The following MYLK variants were observed in gnomAD, a reference collection of about 807,000 sequenced individuals.
The protein encoded by MYLK is myosin light chain kinase, also known as myosin light chain kinase, smooth muscle.
A neutral mutation model predicts 203.4 loss-of-function variants in MYLK; 106 were observed. The ratio of observed to expected loss-of-function variants is 0.52; its 90% CI spans 0.45 to 0.61. The LOEUF is 0.61. MYLK is among the 20% of genes least tolerant of loss of function. The pLI is 0.00. For missense variants in MYLK, 2,072 were observed against 2,442.3 expected (o/e 0.85, Z 3.20); for synonymous variants, 867 against 959.5 (o/e 0.90, Z 1.78).
At position 123,733,975 on chromosome 3, in the gene MYLK, T is replaced by C. The variant is rs1485918605; in HGVS notation, c.1021A>G (p.Thr341Ala). ...TAPQTPVLQK[T>A]SSSITLQAAR... ...GCCTGCAGGGTGATGGAGCTGGAAG[T>C]CTTCTGAAGGACCGGGGTCTGCGGG... Residue 341 changes from threonine to alanine, a missense_variant, in exon 10 of 34, where the codon ACT becomes GCT. By Grantham distance (58) the Thr-to-Ala change is moderately conservative. Around this residue, in one of 3 missense-constraint regions of MYLK, gnomAD observed 683 missense variants for 643.8 expected, o/e 1.06. Coordinates refer to ENST00000360304, the MANE Select transcript of MYLK (RefSeq NM_053025.4). 1 of 1,614,110 alleles carries C rather than the reference T, an allele frequency of 6.2e-7. No homozygotes were observed. The highest frequency in any genetic ancestry group is 1.1e-5 in the South Asian group (1 of 91,062).
chr3:123,733,156 G>A, intron 10 of MYLK, 54 bp from the exon 11 acceptor site: 3 of 1,573,266 alleles, frequency 1.9e-6, no homozygotes. Flanking sequence ...AGCACCCTGT[G>A]ATTGTGAGGT....
chr3:123,693,202 C>T (rs910656997), intron 18 of MYLK, among the ~76,000 whole-genome samples: 1 of 152,194 alleles, frequency 6.6e-6, no homozygotes, highest in African/African-American at 2.4e-5. Flanking sequence ...GGCCCTGCCC[C>T]CTGGACGTCA....
At chr3:123,676,213 G>T (rs2060067926) in intron 20 of MYLK, among the ~76,000 whole-genome samples, 1 of 152,250 alleles carries the variant, frequency 6.6e-6, no homozygotes, top group Non-Finnish European at 1.5e-5. Flanking sequence ...CATGCCTGTG[G>T]GTGGGAGTGT....
intron 2 of MYLK, among the ~76,000 whole-genome samples, chr3:123,861,725 G>C (rs1444040757): frequency 2.0e-5 from 3 of 152,148 alleles, no homozygotes; most frequent in African/African-American, 4.8e-5. Context: ...AGTCTCAACA[G>C]GTACCCCAGC....
intron 20 of MYLK, among the ~76,000 whole-genome samples, chr3:123,668,055 TCAAA>T (rs1276379060): frequency 1.3e-5 from 2 of 152,192 alleles, no homozygotes; most frequent in Non-Finnish European, 2.9e-5. Flanking sequence ...GAAAAATGAC[TCAAA>T]CAGAACAGTC....
chr3:123,841,790 T>A (rs371605483), intron 2 of MYLK, among the ~76,000 whole-genome samples: 1 of 152,104 alleles, frequency 6.6e-6, no homozygotes, highest in African/African-American at 2.4e-5. Context: ...GTTTAGAGAG[T>A]CTGAGAGTGT....
chr3:123,672,497 C>T (rs1022269139), intron 20 of MYLK, among the ~76,000 whole-genome samples: 1 of 151,944 alleles, frequency 6.6e-6, no homozygotes, highest in African/African-American at 2.4e-5. Context: ...GGGGTGGGCA[C>T]CAGTGGGGTG....
At chr3:123,732,728 G>A (rs2062525110) in intron 11 of MYLK, among the ~76,000 whole-genome samples, 168 bp downstream of exon 11, 1 of 152,162 alleles carries the variant, frequency 6.6e-6, no homozygotes, top group African/African-American at 2.4e-5. Flanking sequence ...ATGAATCACT[G>A]GCCTAGAGCA....
At position 123,640,001 on chromosome 3, in the gene MYLK, T is replaced by A. The variant is rs2058775379; in HGVS notation, c.4837+286A>T. Reference sequence around the variant, plus strand: ...ATATATACAGCTAACACCTAAGCAGTCTTACTATGTGCAAAGCACTCTTCC... The same window carrying A: ...ATATATACAGCTAACACCTAAGCAGACTTACTATGTGCAAAGCACTCTTCC... On this transcript the variant is annotated intron_variant, in intron 28 of 33. Transcript: ENST00000360304. This position sits in a 1 kb window ranked among gnomAD's most constrained non-coding sequence, Gnocchi z 4.3. Among the ~76,000 whole-genome samples, 2 of 152,092 alleles carry A rather than the reference T, an allele frequency of 1.3e-5. No individual in the cohort carries two copies. Among genetic ancestry groups the A allele is most frequent in the Non-Finnish European group, 2.9e-5 (2 of 68,010 alleles).
chr3:123,729,379 G>A (rs769090862), intron 11 of MYLK, among the ~76,000 whole-genome samples: 2 of 152,184 alleles, frequency 1.3e-5, no homozygotes, highest in Non-Finnish European at 2.9e-5. Context: ...TACAGAATGG[G>A]AGAGGATTAT....
intron 3 of MYLK, among the ~76,000 whole-genome samples, chr3:123,828,439 T>G (rs2066210188): frequency 6.6e-6 from 1 of 152,152 alleles, no homozygotes; most frequent in East Asian, 1.9e-4. Context: ...CCGCTCATCC[T>G]ATACAAAAAT....
Position 123,707,903 on chromosome 3 carries a change from G to A in MYLK, c.2241C>T (p.Asp747=). The part of the protein sequence containing the change: ...SVLISCAIAG[D]PFPTVHWLRD... ...TGAGCCAGTGCACGGTAGGAAAGGG[G>A]TCACCAGCTATGGCGCAGGAGATGA... The change falls in exon 16 of 34, where the codon GAC becomes GAT. Residue 747 remains aspartate (D), a synonymous_variant. Coordinates refer to ENST00000360304, the MANE Select transcript of MYLK (RefSeq NM_053025.4). 1 of 1,614,256 alleles carries A rather than the reference G, an allele frequency of 6.2e-7. No individual in the cohort carries two copies. The highest frequency in any genetic ancestry group is 8.5e-7 in the Non-Finnish European group (1 of 1,180,056).
intron 4 of MYLK, among the ~76,000 whole-genome samples, chr3:123,768,621 T>C (rs1361805254): frequency 6.6e-6 from 1 of 152,250 alleles, no homozygotes; most frequent in Non-Finnish European, 1.5e-5. Context: ...AAGTAGGTAG[T>C]ATTTGTTTGT....
At chr3:123,724,950 G>C (rs1261333795) in intron 12 of MYLK, among the ~76,000 whole-genome samples, 1 of 151,974 alleles carries the variant, frequency 6.6e-6, no homozygotes, top group Non-Finnish European at 1.5e-5. Context: ...TCATCATGTT[G>C]GCCAGGCTGG....
chr3:123,733,929 G>T lies in MYLK; in HGVS notation c.1067C>A (p.Pro356Gln), dbSNP rs1249031567. The T allele has an allele frequency of 1.4e-5, 23 of 1,614,204 alleles. No individual in the cohort carries two copies. The highest frequency in any genetic ancestry group is 1.9e-5 in the Non-Finnish European group (23 of 1,180,042). The stretch of plus-strand genomic sequence containing the variant: ...TAGGACCCCCAGGCCTGGTGCTCTT[G>T]GTTCCGGCTGAACTCTTGCGGCCTG... The part of the protein sequence containing the change: ...TLQAARVQPE[P>Q]RAPGLGVLSP... The change falls in exon 10 of 34, where the codon CCA becomes CAA. Residue 356 changes from proline (P) to glutamine (Q), a missense_variant. Pro to Gln is a moderately conservative substitution (Grantham distance 76, BLOSUM62 -1). Around this residue, in one of 3 missense-constraint regions of MYLK, gnomAD observed 683 missense variants for 643.8 expected, o/e 1.06. Coordinates refer to ENST00000360304, the MANE Select transcript of MYLK (RefSeq NM_053025.4).
chr3:123,734,006 T>C lies in MYLK; in HGVS notation c.990A>G (p.Arg330=), dbSNP rs2062587508. The C allele has an allele frequency of 1.2e-6, 2 of 1,614,098 alleles. No homozygotes were observed. The highest frequency in any genetic ancestry group is 1.6e-4 in the Middle Eastern group (1 of 6,082). The part of the protein sequence containing the change: ...SKLESCKDSP[R]TAPQTPVLQK... Reference sequence around the variant, plus strand: ...GAAGGACCGGGGTCTGCGGGGCCGTTCTGGGCGAGTCCTTGCATGACTCCA... The same window carrying C: ...GAAGGACCGGGGTCTGCGGGGCCGTCCTGGGCGAGTCCTTGCATGACTCCA... The change falls in exon 10 of 34, where the codon AGA becomes AGG. Residue 330 remains arginine (R), a synonymous_variant. Coordinates refer to ENST00000360304, the MANE Select transcript of MYLK (RefSeq NM_053025.4).
Position 123,620,355 on chromosome 3 carries a change from G to A in MYLK, c.5239-19C>T. The A allele has an allele frequency of 6.2e-7, 1 of 1,614,020 alleles. No homozygotes were observed. The highest frequency in any genetic ancestry group is 1.3e-5 in the African/African-American group (1 of 75,018). ...CCGTTTTCTGGAAAATAGACACGAG[G>A]GTTGGACTCAGGCGTTGTCCCTGGT... On this transcript the variant is annotated intron_variant, in intron 31 of 33. Transcript: ENST00000360304.
At position 123,709,778 on chromosome 3, in the gene MYLK, G is replaced by C; in HGVS notation, c.1920C>G (p.Val640=). Residue 640 remains valine (V), a synonymous_variant, in exon 14 of 34, where the codon GTC becomes GTG. Coordinates refer to ENST00000360304, the MANE Select transcript of MYLK (RefSeq NM_053025.4). ...GACCTGACACTTGGACAGTCATAGT[G>C]ACCTGGCTTCCATCCATGACTTTGA... The part of the protein sequence containing the change: ...SDLKVMDGSQ[V]TMTVQVSGNP... 1 of 1,614,086 alleles carries C rather than the reference G, an allele frequency of 6.2e-7. No individual in the cohort carries two copies. Among genetic ancestry groups the C allele is most frequent in the Non-Finnish European group, 8.5e-7 (1 of 1,179,980 alleles).
chr3:123,678,140 A>T (rs2060138508), intron 20 of MYLK, among the ~76,000 whole-genome samples: 2 of 151,692 alleles, frequency 1.3e-5, no homozygotes, highest in African/African-American at 4.8e-5. Flanking sequence ...ACATAGATCG[A>T]GCTCCTAAGG....
Sources: gnomAD v4.1 joint callset for allele counts (sites outside exome capture counted in the v4.1 genomes callset) on GRCh38, gnomAD v4.1.1 for gene constraint, gnomAD v4.1.1 regional missense constraint, Gnocchi (gnomAD v3.1) non-coding constraint, MANE v1.5 for transcripts, NCBI Gene and HGNC (gene_info 2026-07-23, HGNC 2026-07-21) for gene names.